UGT1A9: variants seen among roughly 807,000 people sequenced by gnomAD.
UGT1A9 encodes the protein UDP-glucuronosyltransferase 1A9.
In UGT1A9, 35 loss-of-function variants were observed where a neutral mutation model predicts 45.0. That is an observed-to-expected ratio of 0.78 (90% confidence interval 0.59 to 1.03). The LOEUF (loss-of-function observed/expected upper bound fraction) is 1.03. UGT1A9 is among the 50% of genes least tolerant of loss of function. The pLI is 0.00. For synonymous variants in UGT1A9, 278 were observed against 250.6 expected, an observed-to-expected ratio of 1.11 and a Z score of -1.03; for missense variants, 687 against 666.6, an observed-to-expected ratio of 1.03 and a Z score of -0.34.
In UGT1A9 at chr2:233,769,879, A is replaced by C; in HGVS notation, c.1295+1440A>C. 5 of 413,904 alleles carry C rather than the reference A, an allele frequency of 1.2e-5. No individual in the cohort carries two copies. The highest frequency in any genetic ancestry group is 4.6e-5 in the East Asian group (1 of 21,696). 25.6% of individuals were successfully genotyped at this position (413,904 alleles called of 1,614,324 possible). ...TCTCAAAAAAAAAAAAAAAAATGAA[A>C]AGTCCACATAACCTGAGCATCATGT... On this transcript the variant is annotated intron_variant, in intron 4 of 4. Coordinates refer to ENST00000354728, the MANE Select transcript of UGT1A9 (RefSeq NM_021027.3). The surrounding 1 kb of genome is among the most constrained non-coding windows in gnomAD (Gnocchi z 4.4).
chr2:233,764,332 A>G (rs1422714629), intron 1 of UGT1A9, among the ~76,000 whole-genome samples: 2 of 152,124 alleles, frequency 1.3e-5, no homozygotes, highest in Non-Finnish European at 2.9e-5. Flanking sequence ...CAAGTAGGGG[A>G]TGGACTTCAC....
At chr2:233,761,218 C>G in intron 1 of UGT1A9, 1 of 1,613,694 alleles carries the variant, frequency 6.2e-7, no homozygotes, top group Non-Finnish European at 8.5e-7. Context: ...GATCGATTAA[C>G]TAGCCCCAGA....
At chr2:233,766,269 TCGG>T (rs1349388778) in intron 1 of UGT1A9, among the ~76,000 whole-genome samples, 29 of 67,888 alleles carry the variant, frequency 4.3e-4, no homozygotes, top group Admixed American at 8.2e-4. Context: ...TGGCCCGGGC[TCGG>T]TGGCCCGGGC....
chr2:233,724,460 G>A lies in UGT1A9; in HGVS notation c.856-42574G>A, dbSNP rs551187141. 1.6e-3 allele frequency among the ~76,000 whole-genome samples: 182 copies of A among 113,876 alleles called. 4 individuals carry two copies. Among genetic ancestry groups the A allele is most frequent in the Middle Eastern group, 0.011 (2 of 176 alleles). The allele number at this position is 113,876 out of a possible 152,430, so 74.7% of individuals were successfully genotyped here. A position where few individuals can be genotyped will look rare whatever the true frequency, so the allele number is the denominator to read the frequency against. ...TTCTCAGACAGGGCAGCTGCCGGGC[G>A]GAGGGGCTCCTCACTTCTCAGACGG... On this transcript the variant is annotated intron_variant, in intron 1 of 4. Transcript: ENST00000354728.
At chr2:233,672,897 T>A in intron 1 of UGT1A9, 108 bp downstream of exon 1, 1 of 1,511,396 alleles carries the variant, frequency 6.6e-7, no homozygotes, top group South Asian at 1.4e-5. Flanking sequence ...CATTTCAAAT[T>A]TCTTTCCAGT....
intron 1 of UGT1A9, among the ~76,000 whole-genome samples, chr2:233,746,948 G>A (rs1241927959): frequency 6.6e-6 from 1 of 151,802 alleles, no homozygotes; most frequent in Non-Finnish European, 1.5e-5. Context: ...TGAGAAACAA[G>A]AGCTTGAACT....
intron 1 of UGT1A9, among the ~76,000 whole-genome samples, chr2:233,764,716 G>C (rs1292483836): frequency 6.6e-6 from 1 of 152,182 alleles, no homozygotes; most frequent in Non-Finnish European, 1.5e-5. Context: ...GTCTCCCCAA[G>C]AAAGAGGGAG....
rs887601721 is a variant in UGT1A9 at position 233,701,996 on chromosome 2, G to C, written c.855+29207G>C. On this transcript the variant is annotated intron_variant, in intron 1 of 4. Coordinates refer to ENST00000354728, the MANE Select transcript of UGT1A9 (RefSeq NM_021027.3). ...AAAAGGCAAGAAATAACTAAGATCA[G>C]AGCAGAACTGAAGGAAATAGAGACA... 5.3e-5 allele frequency among the ~76,000 whole-genome samples: 8 copies of C among 152,166 alleles called. No homozygotes were observed. In the South Asian group the frequency reaches 1.0e-3, roughly 20 times the overall value.
intron 1 of UGT1A9, chr2:233,708,495 T>C (rs1421697403): frequency 6.6e-6 from 1 of 152,212 alleles, no homozygotes; most frequent in Admixed American, 6.5e-5. Context: ...CTCATGCTTA[T>C]AATCCCAGCA....
At chr2:233,766,675 C>G (rs1309582394) in intron 1 of UGT1A9, among the ~76,000 whole-genome samples, 1 of 152,200 alleles carries the variant, frequency 6.6e-6, no homozygotes, top group Non-Finnish European at 1.5e-5. Context: ...CCCAGCTCTT[C>G]CCTTCTGTAT....
intron 1 of UGT1A9, among the ~76,000 whole-genome samples, chr2:233,715,004 G>T (rs1008928974): frequency 2.6e-5 from 4 of 152,136 alleles, no homozygotes; most frequent in African/African-American, 4.8e-5. Context: ...AGCCTCCCAA[G>T]TAGCTGGAAC....
intron 1 of UGT1A9, among the ~76,000 whole-genome samples, chr2:233,681,651 G>C (rs975743675): frequency 2.6e-5 from 4 of 151,186 alleles, no homozygotes; most frequent in Non-Finnish European, 5.9e-5. Flanking sequence ...CAAAAGCATT[G>C]CTTAATAATT....
chr2:233,727,430 A>C (rs1214577607), intron 1 of UGT1A9, among the ~76,000 whole-genome samples: 1 of 152,124 alleles, frequency 6.6e-6, no homozygotes, highest in African/African-American at 2.4e-5. Flanking sequence ...GGAGTCCCAG[A>C]CATGTGACAA....
intron 1 of UGT1A9, among the ~76,000 whole-genome samples, chr2:233,676,666 G>A (rs768806878): frequency 3.3e-5 from 5 of 152,150 alleles, no homozygotes; most frequent in Admixed American, 1.3e-4. Flanking sequence ...GGGCAGTTTC[G>A]AGCAGTCCTA....
intron 1 of UGT1A9, among the ~76,000 whole-genome samples, chr2:233,698,456 A>G (rs1354773136): frequency 2.0e-5 from 3 of 152,236 alleles, no homozygotes; most frequent in African/African-American, 7.2e-5. Context: ...GATCATAGAA[A>G]ATGAAGCCCT....
intron 1 of UGT1A9, among the ~76,000 whole-genome samples, chr2:233,742,122 G>T (rs1282494456): frequency 6.6e-6 from 1 of 151,802 alleles, no homozygotes; most frequent in African/African-American, 2.4e-5. Flanking sequence ...GCTTGGTCGT[G>T]GAGACCCTAA....
At chr2:233,684,325 G>A (rs2074674405) in intron 1 of UGT1A9, among the ~76,000 whole-genome samples, 1 of 152,152 alleles carries the variant, frequency 6.6e-6, no homozygotes, top group Admixed American at 6.5e-5. Context: ...CAAGTTGTAG[G>A]ACGCTAAGAG....
intron 1 of UGT1A9, among the ~76,000 whole-genome samples, chr2:233,712,053 A>G (rs1487339594): frequency 2.6e-5 from 4 of 152,208 alleles, no homozygotes; most frequent in Non-Finnish European, 4.4e-5. Context: ...AAAAAGCCTG[A>G]CCATAATCTT....
chr2:233,685,917 A>T (rs2074764784), intron 1 of UGT1A9, among the ~76,000 whole-genome samples: 3 of 152,222 alleles, frequency 2.0e-5, no homozygotes, highest in African/African-American at 7.2e-5. Flanking sequence ...CCATCATTAA[A>T]TTTATCCTGA....
Sources: gnomAD v4.1 joint callset for allele counts (sites outside exome capture counted in the v4.1 genomes callset) on GRCh38, gnomAD v4.1.1 for gene constraint, Gnocchi (gnomAD v3.1) non-coding constraint, MANE v1.5 for transcripts, NCBI Gene and HGNC (gene_info 2026-07-23, HGNC 2026-07-21) for gene names.